The following ABCG5 variants were observed in gnomAD, a reference collection of about 807,000 sequenced individuals.
ABCG5 encodes ATP binding cassette subfamily G member 5, also known as ATP-binding cassette sub-family G member 5.
ABCG5 carries 64 observed loss-of-function variants against 64.5 expected under a neutral mutation model. The observed-to-expected ratio is 0.99, with a 90% CI of 0.81 to 1.22. The LOEUF (loss-of-function observed/expected upper bound fraction) is 1.22, where lower values mean the gene tolerates loss of function less well. Among genes scored for constraint, ABCG5 ranks in the 50% most tolerant of loss-of-function variants. ABCG5 has a pLI of 0.00. For missense variants in ABCG5, 908 were observed against 829.5 expected (o/e 1.09, Z -1.16); for synonymous variants, 385 against 326.3 (o/e 1.18, Z -1.94).
intron 7 of ABCG5, 112 bp downstream of exon 7, chr2:43,824,777 A>G: frequency 7.8e-6 from 12 of 1,533,984 alleles, no homozygotes; most frequent in Non-Finnish European, 8.9e-6. Context: ...AGTATAAAAC[A>G]CAAAAACAAA....
At chr2:43,822,493 C>G in intron 10 of ABCG5, 1 of 922,882 alleles carries the variant, frequency 1.1e-6, no homozygotes, top group South Asian at 5.3e-5. Context: ...CCCCCATGCA[C>G]CTGGGTCCTA....
In ABCG5 at chr2:43,823,932, C is replaced by T; in HGVS notation, c.1305G>A (p.Met435Ile). ...ACTTACACAGATTCACAGCGTTCAGCATGCCTGTGTACGGGGTGGCGCCCA... is the reference window on the plus strand; with the variant it reads ...ACTTACACAGATTCACAGCGTTCAGTATGCCTGTGTACGGGGTGGCGCCCA... Reference protein sequence around the residue: ...QFVGATPYTGMLNAVNLFPVL... With the variant: ...QFVGATPYTGILNAVNLFPVL... Residue 435 changes from methionine to isoleucine, a missense_variant, in exon 9 of 13, where the codon ATG becomes ATA. Met to Ile is a conservative substitution (Grantham distance 10). Transcript: ENST00000405322. 6.2e-7 allele frequency: 1 copy of T among 1,614,202 alleles called. No individual in the cohort carries two copies. The highest frequency in any genetic ancestry group is 2.2e-5 in the East Asian group (1 of 44,884).
chr2:43,808,241 A>G (rs1300519841), downstream of ABCG5, among the ~76,000 whole-genome samples: 2 of 148,472 alleles, frequency 1.3e-5, no homozygotes, highest in Non-Finnish European at 1.5e-5. Context: ...AATTCTTCCT[A>G]GAATCCAATG....
At chr2:43,826,357 G>A (rs1476698930) in intron 6 of ABCG5, 25 bp downstream of exon 6, 16 of 1,613,328 alleles carry the variant, frequency 9.9e-6, no homozygotes, top group Middle Eastern at 1.7e-4. Context: ...CCATAGACCC[G>A]GCCTTTACGA....
intron 6 of ABCG5, among the ~76,000 whole-genome samples, chr2:43,825,974 G>A (rs12987875): frequency 2.7e-5 from 4 of 149,634 alleles, no homozygotes; most frequent in Non-Finnish European, 4.5e-5. Context: ...TAGCACTAAC[G>A]GTTTTTTGTT....
chr2:43,838,658 T>C lies in ABCG5; in HGVS notation c.22A>G (p.Thr8Ala), dbSNP rs1668439161. Residue 8 changes from threonine to alanine, a missense_variant, in exon 1 of 13, where the codon ACC (threonine) becomes GCC (alanine). Physicochemically the swap from Thr to Ala is moderately conservative, Grantham distance 58. Coordinates refer to ENST00000405322, the MANE Select transcript of ABCG5 (RefSeq NM_022436.3). The surrounding 1 kb of genome is among the most constrained non-coding windows in gnomAD (Gnocchi z 4.2). Reference protein sequence around the residue: MGDLSSLTPGGSMGLQVN... With the variant: MGDLSSLAPGGSMGLQVN... ...TGGAGACCCATGGACCCTCCGGGGG[T>C]CAAAGATGAGAGGTCACCCATGGCC... 2 of 1,612,870 alleles carry C rather than the reference T, an allele frequency of 1.2e-6. No homozygotes were observed. The highest frequency in any genetic ancestry group is 2.2e-5 in the South Asian group (2 of 90,976).
At chr2:43,834,846 G>A (rs1168677992) in intron 2 of ABCG5, among the ~76,000 whole-genome samples, 1 of 152,234 alleles carries the variant, frequency 6.6e-6, no homozygotes, top group Non-Finnish European at 1.5e-5. Context: ...GCTTGCTTTA[G>A]ACTATACTCT....
At chr2:43,836,576 C>T (rs1181284546) in intron 2 of ABCG5, among the ~76,000 whole-genome samples, 1 of 152,136 alleles carries the variant, frequency 6.6e-6, no homozygotes, top group Non-Finnish European at 1.5e-5. Context: ...TGCAGCCATC[C>T]CCCAGCTGCT....
At position 43,838,419 on chromosome 2, in the gene ABCG5, TA is replaced by T; in HGVS notation, c.143+117del. 3.0e-6 allele frequency: 3 copies of T among 1,009,496 alleles called. No individual in the cohort carries two copies. Among genetic ancestry groups the T allele is most frequent in the East Asian group, 2.6e-5 (1 of 38,044 alleles). The allele number at this position is 1,009,496 out of a possible 1,614,324, so 62.5% of individuals were successfully genotyped here. A position where few individuals can be genotyped will look rare whatever the true frequency, so the allele number is the denominator to read the frequency against. ...CCTCTCCTCTCTCCACCCGATCCAC[TA>T]AAGAGGGAGCCCGAAGTGCCCAGAC... On this transcript the variant is annotated intron_variant, in intron 1 of 12. Coordinates refer to ENST00000405322, the MANE Select transcript of ABCG5 (RefSeq NM_022436.3). This position sits in a 1 kb window ranked among gnomAD's most constrained non-coding sequence, Gnocchi z 4.2.
the ABCG5 span, among the ~76,000 whole-genome samples, chr2:43,806,417 G>T: frequency 3.3e-5 from 5 of 152,138 alleles, no homozygotes; most frequent in Non-Finnish European, 5.9e-5. Flanking sequence ...GGGGGCTGTT[G>T]GAGAAGTAAG....
intron 2 of ABCG5, among the ~76,000 whole-genome samples, chr2:43,836,582 C>CAT (rs1047557626): frequency 1.3e-5 from 2 of 152,202 alleles, no homozygotes; most frequent in African/African-American, 4.8e-5. Flanking sequence ...CATCCCCCAG[C>CAT]TGCTGAGAAC....
chr2:43,809,671 A>T (rs962203977), downstream of ABCG5: 1 of 1,538,302 alleles, frequency 6.5e-7, no homozygotes, highest in Non-Finnish European at 8.9e-7. Context: ...AGTAAAGTTG[A>T]TTTTTCTTAA....
In ABCG5 at chr2:43,814,717, T is replaced by A. The variant is rs1244354086; in HGVS notation, c.1650-128A>T. ...TTCTATCTCCTTATTATAAAAATGA[T>A]GCTCACTATAAAAAAACCTTCAAAC... On this transcript the variant is annotated intron_variant, in intron 11 of 12. Coordinates refer to ENST00000405322, the MANE Select transcript of ABCG5 (RefSeq NM_022436.3). 1.5e-5 allele frequency: 9 copies of A among 608,198 alleles called. No homozygotes were observed. In the East Asian group the frequency reaches 2.6e-4, roughly 17 times the overall value. 37.7% of individuals were successfully genotyped at this position (608,198 alleles called of 1,614,324 possible).
At chr2:43,825,469 G>GT (rs1016393679) in intron 6 of ABCG5, among the ~76,000 whole-genome samples, 8 of 152,254 alleles carry the variant, frequency 5.3e-5, no homozygotes, top group East Asian at 3.9e-4. Flanking sequence ...GAGAAAGTGA[G>GT]TTTTTTTGGA....
At chr2:43,815,294 A>G (rs913608981) in intron 11 of ABCG5, among the ~76,000 whole-genome samples, 2 of 152,246 alleles carry the variant, frequency 1.3e-5, no homozygotes, top group Non-Finnish European at 2.9e-5. Flanking sequence ...ATCAAAAGGT[A>G]TAAAATTCTT....
intron 4 of ABCG5, chr2:43,828,472 CAAAAAAAAAAAAAA>C (rs754944007): frequency 5.8e-6 from 1 of 171,992 alleles, no homozygotes; most frequent in East Asian, 1.8e-4. Flanking sequence ...CCTGTCTCTA[CAAAAAAAAAAAAAA>C]AAAAAAAGAA....
the ABCG5 span, among the ~76,000 whole-genome samples, chr2:43,806,330 C>A: frequency 6.6e-6 from 1 of 152,184 alleles, no homozygotes; most frequent in African/African-American, 2.4e-5. Context: ...GTGGCAGTCA[C>A]GTTGTTGCGA....
chr2:43,828,858 C>CG (rs150493713), intron 4 of ABCG5, among the ~76,000 whole-genome samples: 67,472 of 150,018 alleles, frequency 0.45, 15,968 homozygotes, highest in East Asian at 0.81. Flanking sequence ...CCCAGCTACT[C>CG]GGAGGCTAAG....
At chr2:43,824,776 C>T (rs746183657) in intron 7 of ABCG5, 113 bp downstream of exon 7, 187 of 1,531,982 alleles carry the variant, frequency 1.2e-4, no homozygotes, top group Non-Finnish European at 1.5e-4. Flanking sequence ...GAGTATAAAA[C>T]ACAAAAACAA....
Sources: gnomAD v4.1 joint callset for allele counts (sites outside exome capture counted in the v4.1 genomes callset) on GRCh38, gnomAD v4.1.1 for gene constraint, Gnocchi (gnomAD v3.1) non-coding constraint, MANE v1.5 for transcripts, NCBI Gene and HGNC (gene_info 2026-07-23, HGNC 2026-07-21) for gene names.